NSMCE4A: variants seen among roughly 807,000 people sequenced by gnomAD.
NSMCE4A encodes the protein non-structural maintenance of chromosomes element 4 homolog A.
In NSMCE4A, 40 loss-of-function variants were observed where a neutral mutation model predicts 47.9. The ratio of observed to expected loss-of-function variants is 0.83; its 90% confidence interval spans 0.65 to 1.09. NSMCE4A has a LOEUF of 1.09. NSMCE4A is among the 50% of genes least tolerant of loss of function. The probability of loss-of-function intolerance (pLI) is 0.00; values close to 1 mark genes in which losing one functional copy is unlikely to be tolerated. For missense variants in NSMCE4A, 500 were observed against 507.0 expected, an observed-to-expected ratio of 0.99 and a Z score of 0.13; for synonymous variants, 166 against 178.5, an observed-to-expected ratio of 0.93 and a Z score of 0.56.
At chr10:121,972,910 A>G (rs1952742368) in intron 2 of NSMCE4A, among the ~76,000 whole-genome samples, 1 of 152,200 alleles carries the variant, frequency 6.6e-6, no homozygotes, top group Non-Finnish European at 1.5e-5. Context: ...ATCCTCAGCA[A>G]TGACTAAAAA....
In NSMCE4A at chr10:121,960,283, T is replaced by G. The variant is rs1590775179; in HGVS notation, c.988+75A>C. Reference sequence around the variant, plus strand: ...ATCTACATTGAAAATTCATTTACATTTAGTAAAATACTTAAATTCTACTAA... The same window carrying G: ...ATCTACATTGAAAATTCATTTACATGTAGTAAAATACTTAAATTCTACTAA... On this transcript the variant is annotated intron_variant, in intron 8 of 10. Coordinates refer to ENST00000369023, the MANE Select transcript of NSMCE4A (RefSeq NM_017615.3). This position sits in a 1 kb window ranked among gnomAD's most constrained non-coding sequence, Gnocchi z 4.2. The G allele has an allele frequency of 3.1e-6, 3 of 953,308 alleles. No individual in the cohort carries two copies. Among genetic ancestry groups the G allele is most frequent in the East Asian group, 6.5e-5 (2 of 30,644 alleles). 59.1% of individuals were successfully genotyped at this position (953,308 alleles called of 1,614,324 possible).
intron 2 of NSMCE4A, among the ~76,000 whole-genome samples, chr10:121,971,462 G>A (rs1392795325): frequency 1.3e-5 from 2 of 152,036 alleles, no homozygotes; most frequent in Non-Finnish European, 2.9e-5. Flanking sequence ...AGCCAAGATC[G>A]CGCCACTGCA....
rs1276197839 is a variant in NSMCE4A at position 121,975,109 on chromosome 10, C to G, written c.57G>C (p.Pro19=). 1 of 1,429,604 alleles carries G rather than the reference C, an allele frequency of 7.0e-7. No individual in the cohort carries two copies. The highest frequency in any genetic ancestry group is 1.5e-5 in the African/African-American group (1 of 66,204). The allele number at this position is 1,429,604 out of a possible 1,614,324, so 88.6% of individuals were successfully genotyped here. A position where few individuals can be genotyped will look rare whatever the true frequency, so the allele number is the denominator to read the frequency against. The part of the protein sequence containing the change: ...GPEGRGRGRD[P]HRDRTRSRSR... ...AGCGGGAGCGGGTGCGATCCCGATG[C>G]GGGTCGCGGCCCCGGCCCCGGCCCT... The change falls in exon 1 of 11, where the codon CCG becomes CCC. Residue 19 remains proline, a synonymous_variant. Coordinates refer to ENST00000369023, the MANE Select transcript of NSMCE4A (RefSeq NM_017615.3).
At chr10:121,974,479 G>C in intron 1 of NSMCE4A, 1 of 1,004,598 alleles carries the variant, frequency 1.0e-6, no homozygotes. Flanking sequence ...ACGTGCATTT[G>C]ACAGCTCTCG....
intron 5 of NSMCE4A, 130 bp downstream of exon 5, chr10:121,965,156 G>T: frequency 1.6e-6 from 1 of 613,566 alleles, no homozygotes; most frequent in South Asian, 2.2e-5. Flanking sequence ...TAAATAAAAT[G>T]ATTATTTAAG....
intron 4 of NSMCE4A, chr10:121,967,115 G>A (rs950337298): frequency 3.3e-5 from 5 of 152,342 alleles, no homozygotes; most frequent in African/African-American, 9.6e-5. Flanking sequence ...GGAGCCAGGA[G>A]AGCACTGGTA....
At position 121,974,930 on chromosome 10, in the gene NSMCE4A, T is replaced by C; in HGVS notation, c.236A>G (p.Gln79Arg). The change falls in exon 1 of 11, where the codon CAA (glutamine) becomes CGA (arginine). Residue 79 changes from glutamine (Q) to arginine (R), a missense_variant. Gln to Arg is a conservative substitution (Grantham distance 43). Transcript: ENST00000369023. ...DPASLEAEAD[Q>R]GLCRQIRHQY... ...ATGGCGGATCTGGCGGCACAGGCCT[T>C]GGTCGGCCTCCGCCTCCAAGCTGGC... 2 of 1,534,576 alleles carry C rather than the reference T, an allele frequency of 1.3e-6. No individual in the cohort carries two copies.
rs372114388 is a variant in NSMCE4A at position 121,971,424 on chromosome 10, G to A, written c.371-355C>T. Reference sequence around the variant, plus strand: ...ACTTGGGAGGCTGAGGCAGAATGGCGTGAACCCGGGAGGCAGAGCTTGCAG... The same window carrying A: ...ACTTGGGAGGCTGAGGCAGAATGGCATGAACCCGGGAGGCAGAGCTTGCAG... On this transcript the variant is annotated intron_variant, in intron 2 of 10. Coordinates refer to ENST00000369023, the MANE Select transcript of NSMCE4A (RefSeq NM_017615.3). 2.6e-4 allele frequency among the ~76,000 whole-genome samples: 39 copies of A among 152,190 alleles called. 1 individual carries two copies. In the East Asian group the frequency reaches 4.4e-3, roughly 17 times the overall value.
Position 121,967,356 on chromosome 10 carries a change from C to G in NSMCE4A, c.653+299G>C. ...GGACCACAGGCATGGGCCACTACAG[C>G]GGGCTAATTTTTTGTATTTTTGGTA... On this transcript the variant is annotated intron_variant, in intron 4 of 10. Transcript: ENST00000369023. The G allele has an allele frequency of 1.1e-5, 3 of 276,106 alleles. 1 individual carries two copies. In the South Asian group the frequency reaches 1.8e-4, roughly 16 times the overall value. The allele number at this position is 276,106 out of a possible 1,614,324, so 17.1% of individuals were successfully genotyped here. A position where few individuals can be genotyped will look rare whatever the true frequency, so the allele number is the denominator to read the frequency against.
intron 6 of NSMCE4A, among the ~76,000 whole-genome samples, chr10:121,962,336 G>A (rs753688991): frequency 4.0e-5 from 6 of 149,650 alleles, no homozygotes; most frequent in South Asian, 4.3e-4. Flanking sequence ...GGAGAATGGC[G>A]TGAACCCAGG....
At chr10:121,971,806 G>A (rs1360386313) in intron 2 of NSMCE4A, among the ~76,000 whole-genome samples, 1 of 152,160 alleles carries the variant, frequency 6.6e-6, no homozygotes, top group East Asian at 1.9e-4. Context: ...AAGCTGCTAA[G>A]CAATAGGTAA....
intron 6 of NSMCE4A, 52 bp from the exon 7 acceptor site, chr10:121,961,569 G>C: frequency 9.2e-7 from 1 of 1,087,690 alleles, no homozygotes. Flanking sequence ...ATTAATATCA[G>C]TACACTCTAG....
intron 1 of NSMCE4A, chr10:121,974,299 C>G (rs1952774250): frequency 7.3e-7 from 1 of 1,363,368 alleles, no homozygotes; most frequent in African/African-American, 1.5e-5. Flanking sequence ...CCCTAGCTCC[C>G]TCTAACCTTA....
rs57421744 is a variant in NSMCE4A at position 121,970,476 on chromosome 10, GAAAAAA to G, written c.501+457_501+462del. ...GACAGAGCGAGACTCTGTCTCAAAG[GAAAAAA>G]AAAAAAAAAAAAAAAAGCAAAACCC... On this transcript the variant is annotated intron_variant, in intron 3 of 10. Coordinates refer to ENST00000369023, the MANE Select transcript of NSMCE4A (RefSeq NM_017615.3). Among the ~76,000 whole-genome samples, 26 of 101,902 alleles carry G rather than the reference GAAAAAA, an allele frequency of 2.6e-4. 1 individual carries two copies. The South Asian group carries it at 2.7e-3, about 10-fold the overall frequency. The allele number at this position is 101,902 out of a possible 152,430, so 66.9% of individuals were successfully genotyped here.
At position 121,967,666 on chromosome 10, in the gene NSMCE4A, T is replaced by C. The variant is rs1023036116; in HGVS notation, c.642A>G (p.Thr214=). The C allele has an allele frequency of 1.4e-5, 23 of 1,606,356 alleles. No homozygotes were observed. The highest frequency in any genetic ancestry group is 9.4e-5 in the African/African-American group (7 of 74,518). Residue 214 remains threonine, a synonymous_variant, in exon 4 of 11, where the codon ACA becomes ACG. Transcript: ENST00000369023. The part of the protein sequence containing the change: ...TAENTFNKTH[T]FHFLLGSIYG... ...TAAAATAATCTTACAGAAAGTGGAA[T>C]GTATGGGTTTTATTAAAGGTGTTTT...
rs1408812097 is a variant in NSMCE4A, at chr10:121,975,011, C to A, written c.155G>T (p.Arg52Leu). Residue 52 changes from arginine (R) to leucine (L), a missense_variant, in exon 1 of 11, where the codon CGC becomes CTC. Arg to Leu is a moderately radical substitution (Grantham distance 102). Transcript: ENST00000369023. ...CGGCTCTGTGTCCTCCAGGCTCGGG[C>A]GCTCTGGGGCCTCTCTGCGCTCCCG... The part of the protein sequence containing the change: ...SARERREAPE[R>L]PSLEDTEPSD... The A allele has an allele frequency of 5.3e-6, 8 of 1,505,200 alleles. No individual in the cohort carries two copies. The highest frequency in any genetic ancestry group is 2.2e-5 in the Admixed American group (1 of 45,864). 93.2% of individuals were successfully genotyped at this position (1,505,200 alleles called of 1,614,324 possible).
chr10:121,967,556 CT>C, intron 4 of NSMCE4A, 98 bp downstream of exon 4: 2 of 1,278,138 alleles, frequency 1.6e-6, no homozygotes, highest in Non-Finnish European at 2.2e-6. Context: ...GGCATCATGA[CT>C]GTCACCTCTA....
At chr10:121,971,202 A>C in intron 2 of NSMCE4A, 133 bp from the exon 3 acceptor site, 1 of 808,266 alleles carries the variant, frequency 1.2e-6, no homozygotes, top group Non-Finnish European at 1.9e-6. Flanking sequence ...TAGGCAACTG[A>C]CACATCTCCT....
intron 3 of NSMCE4A, among the ~76,000 whole-genome samples, chr10:121,970,477 A>AAAG (rs1952687625): frequency 3.2e-5 from 1 of 31,058 alleles, no homozygotes; most frequent in African/African-American, 8.6e-5. Flanking sequence ...GTCTCAAAGG[A>AAAG]AAAAAAAAAA....
Sources: allele counts gnomAD v4.1 joint callset (sites outside exome capture counted in the v4.1 genomes callset), GRCh38; gene constraint gnomAD v4.1.1; non-coding constraint Gnocchi (gnomAD v3.1); transcripts MANE v1.5; gene names NCBI Gene and HGNC (gene_info 2026-07-23, HGNC 2026-07-21).